PTRHD1: variants seen among roughly 807,000 people sequenced by gnomAD.
PTRHD1 encodes peptidyl-tRNA hydrolase domain containing 1, also known as putative peptidyl-tRNA hydrolase PTRHD1.
PTRHD1 carries 12 observed loss-of-function variants against 13.6 expected under a neutral mutation model. The observed-to-expected ratio is 0.88, with a 90% CI of 0.57 to 1.43. The LOEUF (loss-of-function observed/expected upper bound fraction) is 1.43. PTRHD1 is among the 40% of genes most tolerant of loss of function. PTRHD1 has a pLI of 0.00. For missense variants in PTRHD1, 203 were observed against 184.7 expected (o/e 1.10, Z -0.57); for synonymous variants, 86 against 79.5 (o/e 1.08, Z -0.43).
chr2:24,792,595 G>A (rs537240441), intron 1 of PTRHD1: 1 of 155,328 alleles, frequency 6.4e-6, no homozygotes, highest in Admixed American at 6.4e-5. Context: ...CTAGCAGCAG[G>A]ATAGAGAGTC....
intron 1 of PTRHD1, among the ~76,000 whole-genome samples, chr2:24,791,762 A>G (rs1665631457): frequency 6.6e-6 from 1 of 152,220 alleles, no homozygotes; most frequent in African/African-American, 2.4e-5. Context: ...TCCCTTTATA[A>G]AACAGGAATA....
rs1202424901 is a variant in PTRHD1, at chr2:24,792,736, G to A, written c.252+390C>T. 3.5e-5 allele frequency: 8 copies of A among 227,626 alleles called. No homozygotes were observed. The Admixed American group carries it at 3.7e-4, about 10-fold the overall frequency. 14.1% of individuals were successfully genotyped at this position (227,626 alleles called of 1,614,324 possible). A position where few individuals can be genotyped will look rare whatever the true frequency, so the allele number is the denominator to read the frequency against. On this transcript the variant is annotated intron_variant, in intron 1 of 1. Coordinates refer to ENST00000328379, the MANE Select transcript of PTRHD1 (RefSeq NM_001013663.2). The stretch of plus-strand genomic sequence containing the variant: ...GGTTCAATTTATACTAACGTTTTTA[G>A]TATTTATTTTCAAATAATTTGGCGT...
chr2:24,793,261 C>T lies in PTRHD1; in HGVS notation c.117G>A (p.Pro39=), dbSNP rs369309721. The change falls in exon 1 of 2, where the codon CCG becomes CCA. Residue 39 remains proline, a synonymous_variant. Transcript: ENST00000328379. Reference sequence around the variant, plus strand: ...CCAGTGCGCCCGCCGGCCAGGAGAACGGAGCTTGTGATAGATCCTTTCGTA... The same window carrying T: ...CCAGTGCGCCCGCCGGCCAGGAGAATGGAGCTTGTGATAGATCCTTTCGTA... ...LVLRKDLSQA[P]FSWPAGALVA... is the part of the protein sequence containing the mutation. 17 of 1,613,840 alleles carry T rather than the reference C, an allele frequency of 1.1e-5. No individual in the cohort carries two copies. Among genetic ancestry groups the T allele is most frequent in the Admixed American group, 3.3e-5 (2 of 60,004 alleles).
intron 1 of PTRHD1, 80 bp downstream of exon 1, chr2:24,793,046 A>C (rs993943142): frequency 1.5e-5 from 22 of 1,490,858 alleles, no homozygotes; most frequent in Non-Finnish European, 2.0e-5. Flanking sequence ...CACTCCCCGC[A>C]GCCAGGCCTT....
intron 1 of PTRHD1, among the ~76,000 whole-genome samples, chr2:24,791,183 C>T (rs1665614640): frequency 6.6e-6 from 1 of 152,122 alleles, no homozygotes; most frequent in African/African-American, 2.4e-5. Context: ...CCTAAGCCTC[C>T]CAAAGTGCTA....
chr2:24,791,487 A>T (rs1665620991), intron 1 of PTRHD1: 1 of 152,192 alleles, frequency 6.6e-6, no homozygotes, highest in Admixed American at 6.5e-5. Flanking sequence ...ATTTTGCATA[A>T]AGTTTATCTC....
At position 24,790,546 on chromosome 2, in the gene PTRHD1, C is replaced by G; in HGVS notation, c.288G>C (p.Glu96Asp). Reference protein sequence around the residue: ...PDETTLKELAETLQQKNIDHM... With the variant: ...PDETTLKELADTLQQKNIDHM... ...GGTCAATGTTCTTCTGTTGCAGGGT[C>G]TCGGCCAGCTCCTTTAGGGTGGTCT... Residue 96 changes from glutamate to aspartate, a missense_variant, in exon 2 of 2, where the codon GAG becomes GAC. Glu to Asp is a conservative substitution (Grantham distance 45). Transcript: ENST00000328379. The G allele has an allele frequency of 6.2e-7, 1 of 1,614,116 alleles. No individual in the cohort carries two copies. The highest frequency in any genetic ancestry group is 8.5e-7 in the Non-Finnish European group (1 of 1,180,020).
chr2:24,790,378 T>C lies in PTRHD1; in HGVS notation c.*33A>G, dbSNP rs750329962. ...GGAACACATGATGCTTTGGAATGGGTGGCCTGCGTATTCAAACACATCAAA... is the reference window on the plus strand; with the variant it reads ...GGAACACATGATGCTTTGGAATGGGCGGCCTGCGTATTCAAACACATCAAA... On this transcript the variant is annotated 3_prime_UTR_variant, in exon 2 of 2. Transcript: ENST00000328379. 3.1e-6 allele frequency: 5 copies of C among 1,596,828 alleles called. No individual in the cohort carries two copies. In the Admixed American group the frequency reaches 6.8e-5, roughly 22 times the overall value.
chr2:24,791,778 T>A (rs1038125052), intron 1 of PTRHD1, among the ~76,000 whole-genome samples: 1 of 152,242 alleles, frequency 6.6e-6, no homozygotes, highest in Non-Finnish European at 1.5e-5. Context: ...GAATAATGCT[T>A]CCTAATGGGG....
rs770324174 is a variant in PTRHD1, at chr2:24,793,125, C to G, written c.252+1G>C. The G allele has an allele frequency of 1.2e-5, 20 of 1,611,018 alleles. No homozygotes were observed. The highest frequency in any genetic ancestry group is 1.6e-5 in the Non-Finnish European group (19 of 1,178,574). ...CCTCCCCCTCCGCCCGAGTGCCTCA[C>G]CTCGAGGACCACTTTGCGCATGCGC... On this transcript the variant is annotated splice_donor_variant, in intron 1 of 1. Transcript: ENST00000328379. LOFTEE classifies it high-confidence loss of function.
intron 1 of PTRHD1, among the ~76,000 whole-genome samples, chr2:24,792,196 C>G (rs1239049007): frequency 6.6e-6 from 1 of 152,208 alleles, no homozygotes; most frequent in African/African-American, 2.4e-5. Flanking sequence ...GAAAGATAAT[C>G]TATCTTTGTC....
In PTRHD1 at chr2:24,790,243, G is replaced by A. The variant is rs555228163; in HGVS notation, c.*168C>T. 8.4e-6 allele frequency: 6 copies of A among 717,836 alleles called. No individual in the cohort carries two copies. The Admixed American group carries it at 1.3e-4, about 15-fold the overall frequency. The allele number at this position is 717,836 out of a possible 1,614,324, so 44.5% of individuals were successfully genotyped here. A position where few individuals can be genotyped will look rare whatever the true frequency, so the allele number is the denominator to read the frequency against. ...TACTGCTCTCCCACCTTCCCCACTT[G>A]AACTTATTAATAAGAGGAAGTAGTT... On this transcript the variant is annotated 3_prime_UTR_variant, in exon 2 of 2. Transcript: ENST00000328379.
intron 1 of PTRHD1, 183 bp downstream of exon 1, chr2:24,792,943 A>G (rs1196796256): frequency 2.0e-5 from 14 of 703,552 alleles, no homozygotes; most frequent in Non-Finnish European, 2.8e-5. Flanking sequence ...ACTGCTGTCC[A>G]CTCTTCACAC....
chr2:24,793,211 G>A lies in PTRHD1; in HGVS notation c.167C>T (p.Thr56Ile). Residue 56 changes from threonine (T) to isoleucine (I), a missense_variant, in exon 1 of 2, where the codon ACC becomes ATC. Coordinates refer to ENST00000328379, the MANE Select transcript of PTRHD1 (RefSeq NM_001013663.2). The part of the protein sequence containing the change: ...ALVAQACHAA[T>I]AALHTHRDHP... ...GTCGCGGTGAGTGTGCAAGGCCGCG[G>A]TGGCCGCGTGACAAGCCTGCGCTAC... is the stretch of plus-strand genomic sequence containing the variant. 6.2e-7 allele frequency: 1 copy of A among 1,613,468 alleles called. No individual in the cohort carries two copies. Among genetic ancestry groups the A allele is most frequent in the South Asian group, 1.1e-5 (1 of 91,088 alleles).
chr2:24,792,838 T>C (rs2148721025), intron 1 of PTRHD1: 1 of 521,424 alleles, frequency 1.9e-6, no homozygotes, highest in East Asian at 3.3e-5. Flanking sequence ...GGACAGCACT[T>C]TGGGGCATGG....
chr2:24,792,067 C>G (rs779067009), intron 1 of PTRHD1, among the ~76,000 whole-genome samples: 2 of 152,206 alleles, frequency 1.3e-5, no homozygotes, highest in Non-Finnish European at 2.9e-5. Flanking sequence ...AGACCTCTTA[C>G]TAGGAAGAAA....
At chr2:24,791,432 A>C (rs1665619439) in intron 1 of PTRHD1, 1 of 152,248 alleles carries the variant, frequency 6.6e-6, no homozygotes, top group South Asian at 2.1e-4. Context: ...ATCCCATTCC[A>C]GGAAGTATTA....
rs113339097 is a variant in PTRHD1 at position 24,790,875 on chromosome 2, G to A, written c.253-294C>T. 2.3e-3 allele frequency among the ~76,000 whole-genome samples: 343 copies of A among 151,908 alleles called. 1 individual carries two copies. The highest frequency in any genetic ancestry group is 7.7e-3 in the African/African-American group (318 of 41,450). On this transcript the variant is annotated intron_variant, in intron 1 of 1. Transcript: ENST00000328379. ...ATTTTCCAGCTCTCCTATGGCTGGC[G>A]CCCATAATTTTAAGTGCCTCTGACT...
Position 24,790,530 on chromosome 2 carries a change from T to C in PTRHD1, c.304A>G (p.Asn102Asp). The C allele has an allele frequency of 6.2e-7, 1 of 1,614,080 alleles. No homozygotes were observed. The highest frequency in any genetic ancestry group is 2.2e-5 in the East Asian group (1 of 44,902). ...TCAAGCCACAGCATGTGGTCAATGT[T>C]CTTCTGTTGCAGGGTCTCGGCCAGC... ...KELAETLQQK[N>D]IDHMLWLEQP... Residue 102 changes from asparagine (N) to aspartate (D), a missense_variant, in exon 2 of 2, where the codon AAC becomes GAC. Transcript: ENST00000328379.
Sources: allele counts gnomAD v4.1 joint callset (sites outside exome capture counted in the v4.1 genomes callset), GRCh38; gene constraint gnomAD v4.1.1; transcripts MANE v1.5; gene names NCBI Gene and HGNC (gene_info 2026-07-23, HGNC 2026-07-21).